Variants in TMEM132B observed in about 807,000 individuals in gnomAD.
TMEM132B encodes transmembrane protein 132B.
Under a neutral mutation model 90.8 loss-of-function variants are expected in TMEM132B, and 18 were observed. The observed-to-expected ratio is 0.20, with a 90% CI of 0.14 to 0.29. The LOEUF (loss-of-function observed/expected upper bound fraction) is 0.29, where lower values mean the gene tolerates loss of function less well. Ranked by LOEUF, TMEM132B falls within the 10% of genes least tolerant of loss-of-function variation. TMEM132B has a pLI of 1.00. For synonymous variants in TMEM132B, 504 were observed against 523.3 expected, an observed-to-expected ratio of 0.96 and a Z score of 0.50; for missense variants, 1,096 against 1,326.8, an observed-to-expected ratio of 0.83 and a Z score of 2.70.
At chr12:125,430,112 A>G (rs1289901404) in intron 3 of TMEM132B, among the ~76,000 whole-genome samples, 1 of 152,168 alleles carries the variant, frequency 6.6e-6, no homozygotes, top group Non-Finnish European at 1.5e-5. Flanking sequence ...CGTGCCTGAC[A>G]CCACGCCTGA....
chr12:125,231,691 A>G (rs1381336032), intron 1 of TMEM132B, among the ~76,000 whole-genome samples: 1 of 152,140 alleles, frequency 6.6e-6, no homozygotes. Context: ...TTGCTAAGGC[A>G]TATTTTTTAA....
At chr12:125,557,749 G>A (rs1481535931) in intron 4 of TMEM132B, among the ~76,000 whole-genome samples, 1 of 152,192 alleles carries the variant, frequency 6.6e-6, no homozygotes, top group African/African-American at 2.4e-5. Flanking sequence ...AGACTGATTA[G>A]TGGTGTCAAG....
intron 5 of TMEM132B, among the ~76,000 whole-genome samples, chr12:125,607,484 G>T (rs1885725914): frequency 6.6e-6 from 1 of 152,154 alleles, no homozygotes; most frequent in Non-Finnish European, 1.5e-5. Flanking sequence ...TTGAGACACA[G>T]CTATTTGTTA....
At chr12:125,593,642 C>G (rs1179226367) in intron 5 of TMEM132B, among the ~76,000 whole-genome samples, 1 of 152,088 alleles carries the variant, frequency 6.6e-6, no homozygotes, top group Non-Finnish European at 1.5e-5. Flanking sequence ...TTTGTGTTAA[C>G]TAGGAGGGAA....
At chr12:125,201,534 C>G (rs1276378665) in intron 1 of TMEM132B, among the ~76,000 whole-genome samples, 2 of 152,236 alleles carry the variant, frequency 1.3e-5, no homozygotes. Context: ...CTGTTTGCCC[C>G]TCTGCTAGCT....
At chr12:125,632,446 A>G (rs1886389028) in intron 5 of TMEM132B, among the ~76,000 whole-genome samples, 1 of 151,974 alleles carries the variant, frequency 6.6e-6, no homozygotes, top group African/African-American at 2.4e-5. Flanking sequence ...TAGTGTTATA[A>G]TATTCTGTAT....
chr12:125,648,985 T>C (rs1259241259), intron 6 of TMEM132B, among the ~76,000 whole-genome samples: 1 of 152,218 alleles, frequency 6.6e-6, no homozygotes, highest in African/African-American at 2.4e-5. Context: ...AACAGAGACA[T>C]TCCCTGTGAC....
At chr12:125,325,005 T>G (rs1326084428) in intron 1 of TMEM132B, among the ~76,000 whole-genome samples, 1 of 152,148 alleles carries the variant, frequency 6.6e-6, no homozygotes. Flanking sequence ...AGTGGTTACC[T>G]GCCTGCAACG....
chr12:125,644,237 G>C lies in TMEM132B; in HGVS notation c.1599G>C (p.Leu533=), dbSNP rs2137029921. Residue 533 remains leucine (L), a synonymous_variant, in exon 6 of 9, where the codon CTG becomes CTC. Transcript: ENST00000682704. ...PLQIEISDTE[L]SQIKGWRIPV... ...AGATTGAGATCTCAGACACCGAGCT[G>C]AGCCAGATCAAGGGCTGGAGGATCC... 1 of 1,614,208 alleles carries C rather than the reference G, an allele frequency of 6.2e-7. No homozygotes were observed. Among genetic ancestry groups the C allele is most frequent in the African/African-American group, 1.3e-5 (1 of 75,056 alleles).
chr12:125,592,616 A>T (rs1885342098), intron 5 of TMEM132B, among the ~76,000 whole-genome samples: 1 of 152,214 alleles, frequency 6.6e-6, no homozygotes, highest in Non-Finnish European at 1.5e-5. Context: ...GATGGAAAAC[A>T]TCAGCAGTCT....
intron 2 of TMEM132B, among the ~76,000 whole-genome samples, chr12:125,414,711 C>T (rs1342120168): frequency 6.6e-6 from 1 of 152,202 alleles, no homozygotes; most frequent in African/African-American, 2.4e-5. Context: ...GGGCACCCCA[C>T]GGCCTGCCTT....
chr12:125,245,348 C>G (rs970921728), intron 1 of TMEM132B, among the ~76,000 whole-genome samples: 1 of 151,148 alleles, frequency 6.6e-6, no homozygotes, highest in Admixed American at 6.6e-5. Flanking sequence ...GGAAAAGACC[C>G]CCCGCAACCA....
At chr12:125,506,672 C>T (rs779196089) in intron 3 of TMEM132B, among the ~76,000 whole-genome samples, 8 of 152,084 alleles carry the variant, frequency 5.3e-5, no homozygotes, top group Non-Finnish European at 1.2e-4. Flanking sequence ...AAATACTAAC[C>T]AGCTTAATGC....
chr12:125,237,083 C>A (rs112661816), intron 1 of TMEM132B, among the ~76,000 whole-genome samples: 12 of 152,340 alleles, frequency 7.9e-5, no homozygotes, highest in African/African-American at 2.9e-4. Context: ...TGGCCTTCCT[C>A]CCTTCTCTAT....
rs868549284 is a variant in TMEM132B at position 125,406,641 on chromosome 12, G to A, written c.960-8890G>A. 4.6e-5 allele frequency among the ~76,000 whole-genome samples: 7 copies of A among 152,258 alleles called. No individual in the cohort carries two copies. Among genetic ancestry groups the A allele is most frequent in the South Asian group, 2.1e-4 (1 of 4,820 alleles). On this transcript the variant is annotated intron_variant, in intron 2 of 8. Transcript: ENST00000682704. The surrounding 1 kb of genome is among the most constrained non-coding windows in gnomAD (Gnocchi z 8.3). ...AAAAATATTTCACAGTCTTGATGGC[G>A]TGAGTTCTAATTGCACGCTTCCTTC...
At chr12:125,520,385 A>G (rs1004384176) in intron 4 of TMEM132B, among the ~76,000 whole-genome samples, 1 of 152,214 alleles carries the variant, frequency 6.6e-6, no homozygotes, top group Non-Finnish European at 1.5e-5. Context: ...TGTGGGATCC[A>G]TGTCCAGATA....
chr12:125,527,127 C>T (rs1883492082), intron 4 of TMEM132B, among the ~76,000 whole-genome samples: 1 of 143,824 alleles, frequency 7.0e-6, no homozygotes, highest in African/African-American at 2.6e-5. Context: ...CACTTCCATC[C>T]ACCCATTTAC....
intron 1 of TMEM132B, among the ~76,000 whole-genome samples, chr12:125,235,182 A>G (rs1873906793): frequency 6.6e-6 from 1 of 152,172 alleles, no homozygotes; most frequent in African/African-American, 2.4e-5. Flanking sequence ...CTTTACAATT[A>G]GGGGCTTGTG....
At chr12:125,540,420 C>G (rs888570558) in intron 4 of TMEM132B, among the ~76,000 whole-genome samples, 2 of 152,096 alleles carry the variant, frequency 1.3e-5, no homozygotes, top group Non-Finnish European at 2.9e-5. Context: ...ACATATCCTA[C>G]TATTGTTGGA....
Sources: allele counts gnomAD v4.1 joint callset (sites outside exome capture counted in the v4.1 genomes callset), GRCh38; gene constraint gnomAD v4.1.1; non-coding constraint Gnocchi (gnomAD v3.1); transcripts MANE v1.5; gene names NCBI Gene and HGNC (gene_info 2026-07-23, HGNC 2026-07-21).